COG5: variants seen among roughly 807,000 people sequenced by gnomAD.
The protein encoded by COG5 is conserved oligomeric Golgi complex subunit 5.
A neutral mutation model predicts 110.4 loss-of-function variants in COG5; 86 were observed. The ratio of observed to expected loss-of-function variants is 0.78; its 90% confidence interval spans 0.65 to 0.93. The LOEUF (loss-of-function observed/expected upper bound fraction) is 0.93. COG5 is among the 40% of genes least tolerant of loss of function. COG5 has a pLI of 0.00. For synonymous variants in COG5, 360 were observed against 334.6 expected (o/e 1.08, Z -0.83); for missense variants, 1,077 against 987.0 (o/e 1.09, Z -1.22).
intron 7 of COG5, among the ~76,000 whole-genome samples, chr7:107,392,321 G>T (rs59782202): frequency 0.19 from 29,376 of 152,002 alleles, 3,021 homozygotes; most frequent in Non-Finnish European, 0.22. Flanking sequence ...CAGGCATTAT[G>T]TTAGGTGTTT....
intron 10 of COG5, among the ~76,000 whole-genome samples, chr7:107,344,223 T>C: frequency 6.6e-6 from 1 of 152,228 alleles, no homozygotes; most frequent in East Asian, 1.9e-4. Context: ...GCTACCTTCA[T>C]TGATGATTTT....
At chr7:107,308,986 T>C (rs937845902) in intron 11 of COG5, among the ~76,000 whole-genome samples, 4 of 152,178 alleles carry the variant, frequency 2.6e-5, no homozygotes, top group Non-Finnish European at 5.9e-5. Flanking sequence ...GAATCAGCCA[T>C]TTCCTCATGG....
chr7:107,389,853 G>A (rs980044941), intron 7 of COG5, among the ~76,000 whole-genome samples: 3 of 151,944 alleles, frequency 2.0e-5, no homozygotes, highest in Admixed American at 6.6e-5. Context: ...TTAACACCTG[G>A]CATGCGACAT....
intron 6 of COG5, among the ~76,000 whole-genome samples, chr7:107,519,047 C>T (rs909779356): frequency 6.6e-6 from 1 of 152,172 alleles, no homozygotes; most frequent in African/African-American, 2.4e-5. Context: ...TCCTAAATGA[C>T]TCCTGGGTAA....
Position 107,297,443 on chromosome 7 carries a change from CTTTTTTTTTTTTT to C in COG5, c.1313+686_1313+698del, listed in dbSNP as rs71314693. ...TACCCAAGGGATGAGTACATTCTGC[CTTTTTTTTTTTTT>C]TTTTTTTTTTGAGACGGAGTATCAT... is the stretch of plus-strand genomic sequence containing the variant. On this transcript the variant is annotated intron_variant, in intron 12 of 21. Coordinates refer to ENST00000297135, the MANE Select transcript of COG5 (RefSeq NM_006348.5). Among the ~76,000 whole-genome samples, 128 of 77,990 alleles carry C rather than the reference CTTTTTTTTTTTTT, an allele frequency of 1.6e-3. 1 individual carries two copies. The highest frequency in any genetic ancestry group is 6.1e-3 in the African/African-American group (114 of 18,838). 51.2% of individuals were successfully genotyped at this position (77,990 alleles called of 152,430 possible).
At chr7:107,334,498 A>G (rs948414146) in intron 10 of COG5, among the ~76,000 whole-genome samples, 1 of 152,168 alleles carries the variant, frequency 6.6e-6, no homozygotes, top group African/African-American at 2.4e-5. Flanking sequence ...AATAATTAAA[A>G]TCTCAAAGGC....
At chr7:107,360,036 G>T (rs191587111) in intron 10 of COG5, among the ~76,000 whole-genome samples, 13 of 150,438 alleles carry the variant, frequency 8.6e-5, no homozygotes, top group African/African-American at 2.4e-4. Context: ...TGAGGGCTGC[G>T]CAGATGACAG....
At position 107,211,179 on chromosome 7, in the gene COG5, A is replaced by T. The variant is rs374796275; in HGVS notation, c.2215T>A (p.Leu739Met). 1.2e-6 allele frequency: 2 copies of T among 1,614,004 alleles called. No individual in the cohort carries two copies. The highest frequency in any genetic ancestry group is 1.7e-5 in the Admixed American group (1 of 60,010). ...ASEHVASSPA[L>M]GDVIPFSIII... ...ATGCTGAACGGAATCACATCCCCCA[A>T]TGCAGGACTACTGGCTACATGTTCA... Residue 739 changes from leucine (L) to methionine (M), a missense_variant, in exon 20 of 22, where the codon TTG (leucine) becomes ATG (methionine). Transcript: ENST00000297135.
At chr7:107,516,241 T>C (rs1035700979) in intron 6 of COG5, among the ~76,000 whole-genome samples, 1 of 152,222 alleles carries the variant, frequency 6.6e-6, no homozygotes, top group African/African-American at 2.4e-5. Flanking sequence ...ATGTTGAGCA[T>C]GTTTACAGAT....
At chr7:107,458,673 C>A (rs1470213313) in intron 6 of COG5, among the ~76,000 whole-genome samples, 1 of 152,044 alleles carries the variant, frequency 6.6e-6, no homozygotes, top group Admixed American at 6.6e-5. Flanking sequence ...CCTTAGGCAA[C>A]ATAGCAAGAT....
chr7:107,321,006 G>T (rs1473249152), intron 11 of COG5, among the ~76,000 whole-genome samples: 1 of 151,984 alleles, frequency 6.6e-6, no homozygotes, highest in Non-Finnish European at 1.5e-5. Context: ...TAGACATCAG[G>T]GTTTCAAAGG....
chr7:107,525,349 G>A (rs1800654114), intron 6 of COG5, among the ~76,000 whole-genome samples: 1 of 151,830 alleles, frequency 6.6e-6, no homozygotes, highest in Admixed American at 6.6e-5. Context: ...TTGAAGGAAA[G>A]TCAGTGATGA....
At chr7:107,212,484 G>A (rs1310434345) in intron 19 of COG5, among the ~76,000 whole-genome samples, 1 of 152,254 alleles carries the variant, frequency 6.6e-6, no homozygotes, top group Non-Finnish European at 1.5e-5. Flanking sequence ...AAACTTTGCT[G>A]AGAATATTTC....
At chr7:107,478,064 A>T (rs900773024) in intron 6 of COG5, among the ~76,000 whole-genome samples, 1 of 152,054 alleles carries the variant, frequency 6.6e-6, no homozygotes. Flanking sequence ...CATAGATATC[A>T]ATTTCTACAT....
intron 20 of COG5, 131 bp downstream of exon 20, chr7:107,210,968 T>C: frequency 9.1e-7 from 1 of 1,096,916 alleles, no homozygotes; most frequent in Non-Finnish European, 1.4e-6. Context: ...ATCTATTCAC[T>C]GTCAAAGATA....
In COG5 at chr7:107,415,771, T is replaced by C. The variant is rs935183049; in HGVS notation, c.539-3139A>G. Among the ~76,000 whole-genome samples the C allele has an allele frequency of 2.8e-5, 4 of 144,954 alleles. No homozygotes were observed. The South Asian group carries it at 8.6e-4, about 31-fold the overall frequency. The stretch of plus-strand genomic sequence containing the variant: ...GTATGTATATATGTATGTGTGTATA[T>C]ATACACACACATACACGTATGTATG... On this transcript the variant is annotated intron_variant, in intron 6 of 21. Transcript: ENST00000297135.
chr7:107,439,132 G>A lies in COG5; in HGVS notation c.539-26500C>T, dbSNP rs531826691. ...ACCGTAAGGCCAACCTCTCCACTAT[G>A]TACACTAGGTTCTATGCCCTCCTGC... On this transcript the variant is annotated intron_variant, in intron 6 of 21. Coordinates refer to ENST00000297135, the MANE Select transcript of COG5 (RefSeq NM_006348.5). Among the ~76,000 whole-genome samples the A allele has an allele frequency of 2.0e-5, 3 of 152,158 alleles. No homozygotes were observed. In the South Asian group the frequency reaches 6.2e-4, roughly 32 times the overall value.
chr7:107,398,314 C>T (rs1325468588), intron 7 of COG5, among the ~76,000 whole-genome samples: 2 of 152,094 alleles, frequency 1.3e-5, no homozygotes, highest in Non-Finnish European at 2.9e-5. Context: ...TCAGGAGTTC[C>T]CAACGCCCCT....
Position 107,236,581 on chromosome 7 carries a change from A to T in COG5, c.1960T>A (p.Cys654Ser). The change falls in exon 18 of 22, where the codon TGC becomes AGC. Residue 654 changes from cysteine (C) to serine (S), a missense_variant. Cys to Ser is a moderately radical substitution (Grantham distance 112). Coordinates refer to ENST00000297135, the MANE Select transcript of COG5 (RefSeq NM_006348.5). The stretch of plus-strand genomic sequence containing the variant: ...GTGTTGTCAAAGACAAAATCCAAGC[A>T]TTCAAAGTGTTTAAAATAGTCACTC... ...VMSDYFKHFE[C>S]LDFVFDNTEA... 1 of 1,614,136 alleles carries T rather than the reference A, an allele frequency of 6.2e-7. No homozygotes were observed. Among genetic ancestry groups the T allele is most frequent in the South Asian group, 1.1e-5 (1 of 91,084 alleles).
Sources: gnomAD v4.1 joint callset for allele counts (sites outside exome capture counted in the v4.1 genomes callset) on GRCh38, gnomAD v4.1.1 for gene constraint, MANE v1.5 for transcripts, NCBI Gene and HGNC (gene_info 2026-07-23, HGNC 2026-07-21) for gene names.